Variants in ETV1 observed in about 807,000 individuals in gnomAD.
The protein encoded by ETV1 is ETS variant transcription factor 1, also known as ETS translocation variant 1.
A neutral mutation model predicts 62.3 loss-of-function variants in ETV1; 27 were observed. The ratio of observed to expected loss-of-function variants is 0.43; its 90% CI spans 0.32 to 0.60. ETV1 has a LOEUF of 0.60. Among genes scored for constraint, ETV1 ranks in the 20% least tolerant of loss-of-function variants. The pLI, the probability that ETV1 is intolerant of heterozygous loss-of-function variation, is 0.06. For missense variants in ETV1, 605 were observed against 605.8 expected, an observed-to-expected ratio of 1.00 and a Z score of 0.01; for synonymous variants, 222 against 199.6, an observed-to-expected ratio of 1.11 and a Z score of -0.94.
chr7:13,914,502 T>C (rs947973223), intron 9 of ETV1, among the ~76,000 whole-genome samples: 7 of 151,866 alleles, frequency 4.6e-5, no homozygotes, highest in African/African-American at 1.5e-4. Flanking sequence ...CTAATCAATG[T>C]AGCGGAAGTT....
At chr7:13,983,757 G>T (rs1178705661) in intron 5 of ETV1, among the ~76,000 whole-genome samples, 2 of 150,986 alleles carry the variant, frequency 1.3e-5, no homozygotes, top group African/African-American at 4.9e-5. Context: ...CTTGGGAAAT[G>T]ATATTAATGT....
rs139264167 is a variant in ETV1, at chr7:13,955,796, G to A, written c.236-16550C>T. Among the ~76,000 whole-genome samples the A allele has an allele frequency of 3.7e-3, 558 of 152,212 alleles. 2 individuals carry two copies. The highest frequency in any genetic ancestry group is 0.013 in the African/African-American group (532 of 41,526). On this transcript the variant is annotated intron_variant, in intron 6 of 13. Coordinates refer to ENST00000430479, the MANE Select transcript of ETV1 (RefSeq NM_004956.5). ...AATGAAGAATTTTTGAATTATATTA[G>A]CATATTATGAGTAATTTTTGTGATT...
chr7:13,918,638 A>T (rs2128431115), intron 9 of ETV1, among the ~76,000 whole-genome samples: 1 of 147,838 alleles, frequency 6.8e-6, no homozygotes, highest in South Asian at 2.2e-4. Context: ...AAAACCAAAC[A>T]CCGCATATTC....
chr7:13,900,333 T>A (rs3823703), intron 13 of ETV1: 59,878 of 157,668 alleles, frequency 0.38, 11,651 homozygotes, highest in South Asian at 0.4. Flanking sequence ...AAGAAATGTC[T>A]GTTTTAAGAA....
intron 6 of ETV1, among the ~76,000 whole-genome samples, chr7:13,965,044 C>CTG (rs1386461232): frequency 6.6e-6 from 1 of 152,132 alleles, no homozygotes; most frequent in East Asian, 1.9e-4. Context: ...ACTAATACCT[C>CTG]CGCCGCTGCT....
chr7:13,954,572 A>T (rs745315885), intron 6 of ETV1, among the ~76,000 whole-genome samples: 4 of 152,192 alleles, frequency 2.6e-5, no homozygotes, highest in Non-Finnish European at 4.4e-5. Context: ...TGTTTGAAAA[A>T]TTTTATTCTC....
chr7:13,991,193 C>T (rs112466353), upstream of ETV1: 3,394 of 152,318 alleles, frequency 0.022, 51 homozygotes, highest in Non-Finnish European at 0.037. Flanking sequence ...GCCTGGGCCC[C>T]GAGGCTGAAC....
intron 9 of ETV1, among the ~76,000 whole-genome samples, chr7:13,927,867 C>A (rs1785612494): frequency 6.6e-6 from 1 of 152,100 alleles, no homozygotes; most frequent in African/African-American, 2.4e-5. Flanking sequence ...ACAACTGTAT[C>A]CTATTGGCAA....
chr7:13,948,963 A>G (rs1471423700), intron 6 of ETV1, among the ~76,000 whole-genome samples: 2 of 152,214 alleles, frequency 1.3e-5, no homozygotes, highest in African/African-American at 4.8e-5. Context: ...GATTAAAAAA[A>G]TGACACAAAA....
chr7:13,914,224 C>T (rs1354381708), intron 9 of ETV1, among the ~76,000 whole-genome samples: 2 of 151,842 alleles, frequency 1.3e-5, no homozygotes, highest in Non-Finnish European at 2.9e-5. Context: ...AGTATTACCC[C>T]CTCATGTTAG....
chr7:13,955,595 G>T (rs1789331799), intron 6 of ETV1, among the ~76,000 whole-genome samples: 1 of 152,102 alleles, frequency 6.6e-6, no homozygotes, highest in Non-Finnish European at 1.5e-5. Context: ...AGACTTAACG[G>T]TGGCCATGAA....
chr7:13,988,025 T>A, intron 4 of ETV1, 61 bp downstream of exon 4: 1 of 917,252 alleles, frequency 1.1e-6, no homozygotes, highest in Non-Finnish European at 1.8e-6. Flanking sequence ...GCTCCTTTTC[T>A]TTTAGCAGGG....
chr7:13,901,746 G>C (rs975407913), intron 12 of ETV1, among the ~76,000 whole-genome samples: 1 of 152,156 alleles, frequency 6.6e-6, no homozygotes, highest in Admixed American at 6.5e-5. Context: ...GAAGAATTAA[G>C]CATTCATTTA....
At chr7:13,906,401 G>C (rs374550516) in intron 12 of ETV1, 29 bp downstream of exon 12, 1 of 1,428,696 alleles carries the variant, frequency 7.0e-7, no homozygotes, top group African/African-American at 1.4e-5. Context: ...ACATGTCTGA[G>C]TGTCCTAATT....
intron 6 of ETV1, among the ~76,000 whole-genome samples, chr7:13,948,962 A>C (rs866089182): frequency 2.6e-5 from 4 of 152,212 alleles, no homozygotes; most frequent in African/African-American, 7.2e-5. Flanking sequence ...TGATTAAAAA[A>C]ATGACACAAA....
chr7:13,957,502 G>T (rs1789623683), intron 6 of ETV1, among the ~76,000 whole-genome samples: 1 of 152,218 alleles, frequency 6.6e-6, no homozygotes. Context: ...ATAACTTGGT[G>T]ATCAAAGAGG....
At chr7:13,925,204 A>T (rs1320554475) in intron 9 of ETV1, among the ~76,000 whole-genome samples, 1 of 152,196 alleles carries the variant, frequency 6.6e-6, no homozygotes, top group Non-Finnish European at 1.5e-5. Context: ...TTGCTCCACC[A>T]CATGGCCGAG....
intron 11 of ETV1, 35 bp from the exon 12 acceptor site, chr7:13,906,634 C>T (rs767343499): frequency 6.9e-6 from 10 of 1,459,366 alleles, no homozygotes; most frequent in Non-Finnish European, 8.4e-6. Flanking sequence ...CTATTATTAG[C>T]AATACTATGC....
chr7:13,898,790 T>C lies in ETV1; in HGVS notation c.1212+1948A>G, dbSNP rs561696287. ...TTAAAAAAGGACAGCATAGTTTTCC[T>C]CTGAATGACTATACTAGAATTTACT... On this transcript the variant is annotated intron_variant, in intron 13 of 13. Transcript: ENST00000430479. Among the ~76,000 whole-genome samples the C allele has an allele frequency of 6.3e-4, 96 of 152,302 alleles. No individual in the cohort carries two copies. The Middle Eastern group carries it at 0.014, about 22-fold the overall frequency.
Sources: allele counts gnomAD v4.1 joint callset (sites outside exome capture counted in the v4.1 genomes callset), GRCh38; gene constraint gnomAD v4.1.1; transcripts MANE v1.5; gene names NCBI Gene and HGNC (gene_info 2026-07-23, HGNC 2026-07-21).